Variants in KCNK5 observed in about 807,000 individuals in gnomAD.
KCNK5 encodes potassium two pore domain channel subfamily K member 5, also known as potassium channel subfamily K member 5.
Under a neutral mutation model 32.9 loss-of-function variants are expected in KCNK5, and 18 were observed. The observed-to-expected ratio is 0.55, with a 90% CI of 0.38 to 0.81. The LOEUF (loss-of-function observed/expected upper bound fraction) is 0.81. Ranked by LOEUF, KCNK5 falls within the 30% of genes least tolerant of loss-of-function variation. The pLI is 0.00. For missense variants in KCNK5, 507 were observed against 651.0 expected, an observed-to-expected ratio of 0.78 and a Z score of 2.41; for synonymous variants, 276 against 275.3, an observed-to-expected ratio of 1.00 and a Z score of -0.03.
chr6:39,226,302 G>A (rs990721022), intron 1 of KCNK5, among the ~76,000 whole-genome samples: 1 of 152,224 alleles, frequency 6.6e-6, no homozygotes, highest in Admixed American at 6.5e-5. Context: ...GAAAGAGGAC[G>A]ATCACGTGGT....
intron 1 of KCNK5, among the ~76,000 whole-genome samples, chr6:39,200,984 A>C (rs1771125157): frequency 6.6e-6 from 1 of 152,166 alleles, no homozygotes; most frequent in Non-Finnish European, 1.5e-5. Flanking sequence ...AGGGAAACCA[A>C]AGTCAAGATG....
intron 1 of KCNK5, among the ~76,000 whole-genome samples, chr6:39,221,959 C>T (rs1194393225): frequency 6.6e-6 from 1 of 152,176 alleles, no homozygotes; most frequent in Admixed American, 6.5e-5. Flanking sequence ...AAAGACTCTC[C>T]AATATCTGAG....
At chr6:39,209,270 T>G (rs1219789551) in intron 1 of KCNK5, among the ~76,000 whole-genome samples, 5 of 152,118 alleles carry the variant, frequency 3.3e-5, no homozygotes, top group Non-Finnish European at 2.9e-5. Context: ...AGAGGGAGCC[T>G]ATACATGTGG....
In KCNK5 at chr6:39,194,098, C is replaced by G; in HGVS notation, c.634+71G>C. 3 of 1,559,958 alleles carry G rather than the reference C, an allele frequency of 1.9e-6. No homozygotes were observed. Among genetic ancestry groups the G allele is most frequent in the South Asian group, 2.2e-5 (2 of 89,182 alleles). ...AACATGGAACCCTACCTAGGGCACC[C>G]CCAACATAGGTCTGTTGCACTGAAA... On this transcript the variant is annotated intron_variant, in intron 4 of 4. Coordinates refer to ENST00000359534, the MANE Select transcript of KCNK5 (RefSeq NM_003740.4). The surrounding 1 kb of genome is among the most constrained non-coding windows in gnomAD (Gnocchi z 4.7).
chr6:39,196,089 C>A, intron 1 of KCNK5, 102 bp from the exon 2 acceptor site: 1 of 718,468 alleles, frequency 1.4e-6, no homozygotes, highest in Non-Finnish European at 2.2e-6. Flanking sequence ...ATTTAGTCAT[C>A]ACAAGAAGAA....
At position 39,194,951 on chromosome 6, in the gene KCNK5, G is replaced by A. The variant is rs1033223645; in HGVS notation, c.299-191C>T. On this transcript the variant is annotated intron_variant, in intron 2 of 4. Coordinates refer to ENST00000359534, the MANE Select transcript of KCNK5 (RefSeq NM_003740.4). The surrounding 1 kb of genome is among the most constrained non-coding windows in gnomAD (Gnocchi z 4.7). The stretch of plus-strand genomic sequence containing the variant: ...TAAAGCAATTATGATGACATGAGCT[G>A]TATCTCCTCCATCATACAAGGAGCT... Among the ~76,000 whole-genome samples the A allele has an allele frequency of 1.3e-5, 2 of 152,208 alleles. No homozygotes were observed. The highest frequency in any genetic ancestry group is 4.8e-5 in the African/African-American group (2 of 41,464).
chr6:39,217,671 T>G (rs1771466106), intron 1 of KCNK5, among the ~76,000 whole-genome samples: 1 of 152,202 alleles, frequency 6.6e-6, no homozygotes, highest in Admixed American at 6.5e-5. Context: ...CAGCCTCACA[T>G]TTTATGATTT....
At chr6:39,196,487 T>C (rs1240949605) in intron 1 of KCNK5, among the ~76,000 whole-genome samples, 1 of 152,124 alleles carries the variant, frequency 6.6e-6, no homozygotes, top group Admixed American at 6.5e-5. Context: ...ATGGAGGGTG[T>C]TCTACCTGCA....
At chr6:39,207,922 C>G (rs1771258523) in intron 1 of KCNK5, among the ~76,000 whole-genome samples, 1 of 152,120 alleles carries the variant, frequency 6.6e-6, no homozygotes, top group Non-Finnish European at 1.5e-5. Flanking sequence ...GCTCCTGACC[C>G]TTGTGCCACA....
At chr6:39,224,309 G>T (rs1418328571) in intron 1 of KCNK5, among the ~76,000 whole-genome samples, 2 of 152,122 alleles carry the variant, frequency 1.3e-5, no homozygotes, top group Non-Finnish European at 2.9e-5. Context: ...TTACAAAGGC[G>T]GTTAAGTGGA....
chr6:39,229,226 G>C lies in KCNK5; in HGVS notation c.-115C>G, dbSNP rs1771727087. 3 of 1,069,818 alleles carry C rather than the reference G, an allele frequency of 2.8e-6. No individual in the cohort carries two copies. The highest frequency in any genetic ancestry group is 3.2e-5 in the African/African-American group (2 of 63,424). The allele number at this position is 1,069,818 out of a possible 1,614,324, so 66.3% of individuals were successfully genotyped here. A position where few individuals can be genotyped will look rare whatever the true frequency, so the allele number is the denominator to read the frequency against. ...TTGAATTTGGAGCTCCGCATGCGCA[G>C]TGCCCGGTACTCACCCCCCGCAAGC... On this transcript the variant is annotated 5_prime_UTR_variant, in exon 1 of 5. Coordinates refer to ENST00000359534, the MANE Select transcript of KCNK5 (RefSeq NM_003740.4).
chr6:39,211,220 G>C (rs1771332079), intron 1 of KCNK5, among the ~76,000 whole-genome samples: 1 of 152,146 alleles, frequency 6.6e-6, no homozygotes, highest in Non-Finnish European at 1.5e-5. Flanking sequence ...GGCTGGGCTG[G>C]AGCAGGCCAT....
intron 1 of KCNK5, among the ~76,000 whole-genome samples, chr6:39,228,410 G>A (rs1200130270): frequency 6.6e-6 from 1 of 152,136 alleles, no homozygotes; most frequent in Admixed American, 6.5e-5. Flanking sequence ...ACTCTGCTGG[G>A]GGCGGAAGAT....
At position 39,229,147 on chromosome 6, in the gene KCNK5, C is replaced by T. The variant is rs1771725536; in HGVS notation, c.-36G>A. 2 of 1,607,746 alleles carry T rather than the reference C, an allele frequency of 1.2e-6. No individual in the cohort carries two copies. Among genetic ancestry groups the T allele is most frequent in the Non-Finnish European group, 1.7e-6 (2 of 1,176,762 alleles). ...CGGCCGCCTCCTAGAGAAAGCCTCTCCTAGCCCCAGCTGCTACCAGTCCGC... is the reference window on the plus strand; with the variant it reads ...CGGCCGCCTCCTAGAGAAAGCCTCTTCTAGCCCCAGCTGCTACCAGTCCGC... On this transcript the variant is annotated 5_prime_UTR_variant, in exon 1 of 5. Coordinates refer to ENST00000359534, the MANE Select transcript of KCNK5 (RefSeq NM_003740.4).
chr6:39,216,688 G>A (rs1001156038), intron 1 of KCNK5, among the ~76,000 whole-genome samples: 2 of 152,190 alleles, frequency 1.3e-5, no homozygotes, highest in African/African-American at 4.8e-5. Context: ...ACTTATCATT[G>A]TTGGGAAGTC....
At position 39,219,915 on chromosome 6, in the gene KCNK5, T is replaced by C. The variant is rs180696755; in HGVS notation, c.186+9011A>G. 7.9e-5 allele frequency among the ~76,000 whole-genome samples: 12 copies of C among 152,266 alleles called. No individual in the cohort carries two copies. In the East Asian group the frequency reaches 1.9e-3, roughly 25 times the overall value. ...AACTAGCACTCCAAGCCTTTCTGAA[T>C]GAATGGACGAGTCCAGAGAGGGAAA... On this transcript the variant is annotated intron_variant, in intron 1 of 4. Coordinates refer to ENST00000359534, the MANE Select transcript of KCNK5 (RefSeq NM_003740.4).
Position 39,229,272 on chromosome 6 carries a change from G to T in KCNK5, c.-161C>A. 1.2e-6 allele frequency: 1 copy of T among 808,014 alleles called. No individual in the cohort carries two copies. Among genetic ancestry groups the T allele is most frequent in the Non-Finnish European group, 1.9e-6 (1 of 526,680 alleles). 50.1% of individuals were successfully genotyped at this position (808,014 alleles called of 1,614,324 possible). A position where few individuals can be genotyped will look rare whatever the true frequency, so the allele number is the denominator to read the frequency against. On this transcript the variant is annotated 5_prime_UTR_variant, in exon 1 of 5. Transcript: ENST00000359534. ...CAAGCACCGCTCCCCGGACAGAGTT[G>T]CTTGGCCAAGTTGGCCCACGGAGTG...
At chr6:39,215,791 G>A (rs11969423) in intron 1 of KCNK5, among the ~76,000 whole-genome samples, 25 of 152,220 alleles carry the variant, frequency 1.6e-4, no homozygotes, top group Middle Eastern at 3.4e-3. Flanking sequence ...TCTCCCTTAC[G>A]TGATTCCTCC....
chr6:39,215,984 A>G (rs1771426327), intron 1 of KCNK5, among the ~76,000 whole-genome samples: 1 of 152,216 alleles, frequency 6.6e-6, no homozygotes, highest in African/African-American at 2.4e-5. Flanking sequence ...CAAAATGTCA[A>G]ACAAAACTAT....
Sources: allele counts gnomAD v4.1 joint callset (sites outside exome capture counted in the v4.1 genomes callset), GRCh38; gene constraint gnomAD v4.1.1; non-coding constraint Gnocchi (gnomAD v3.1); transcripts MANE v1.5; gene names NCBI Gene and HGNC (gene_info 2026-07-23, HGNC 2026-07-21).